CAP2: variants seen among roughly 807,000 people sequenced by gnomAD.
CAP2 encodes cyclase associated actin cytoskeleton regulatory protein 2, also known as adenylyl cyclase-associated protein 2.
CAP2 carries 24 observed loss-of-function variants against 57.7 expected under a neutral mutation model. The ratio of observed to expected loss-of-function variants is 0.42; its 90% CI spans 0.30 to 0.58. The LOEUF is 0.58. CAP2 is among the 20% of genes least tolerant of loss of function. CAP2 has a pLI of 0.22. For missense variants in CAP2, 501 were observed against 590.3 expected (o/e 0.85, Z 1.57); for synonymous variants, 194 against 207.2 (o/e 0.94, Z 0.55).
At chr6:17,552,283 G>C (rs867477606) in intron 12 of CAP2, among the ~76,000 whole-genome samples, 14 of 152,210 alleles carry the variant, frequency 9.2e-5, no homozygotes, top group African/African-American at 3.4e-4. Flanking sequence ...AAGGGAGTAT[G>C]AATAAATAAG....
At chr6:17,456,501 T>C (rs972817590) in intron 3 of CAP2, among the ~76,000 whole-genome samples, 1 of 152,178 alleles carries the variant, frequency 6.6e-6, no homozygotes, top group Non-Finnish European at 1.5e-5. Context: ...GCAGAAACTC[T>C]AGGGACTTTT....
intron 1 of CAP2, among the ~76,000 whole-genome samples, chr6:17,412,922 T>A (rs915044696): frequency 1.3e-5 from 2 of 152,122 alleles, no homozygotes; most frequent in Non-Finnish European, 2.9e-5. Flanking sequence ...CAAGATCTCT[T>A]GGAGGAGCTG....
At chr6:17,476,240 A>T (rs569568922) in intron 4 of CAP2, among the ~76,000 whole-genome samples, 2 of 152,332 alleles carry the variant, frequency 1.3e-5, no homozygotes, top group South Asian at 2.1e-4. Context: ...TACGTTGATT[A>T]TAAGAGTTGC....
intron 7 of CAP2, among the ~76,000 whole-genome samples, chr6:17,530,628 T>A (rs575499587): frequency 5.7e-4 from 87 of 152,258 alleles, no homozygotes; most frequent in African/African-American, 1.8e-3. Context: ...CCACGGCATG[T>A]CAGCTGTTTC....
chr6:17,409,444 T>TA (rs573358697), intron 1 of CAP2, among the ~76,000 whole-genome samples: 5 of 152,046 alleles, frequency 3.3e-5, no homozygotes, highest in Non-Finnish European at 5.9e-5. Flanking sequence ...TAGTAACACT[T>TA]ACCATGATAA....
At chr6:17,405,499 T>A (rs1201496603) in intron 1 of CAP2, among the ~76,000 whole-genome samples, 1 of 38,986 alleles carries the variant, frequency 2.6e-5, no homozygotes, top group Non-Finnish European at 4.5e-5. Flanking sequence ...GAATGTGGAG[T>A]CTCTCTCTCT....
chr6:17,541,264 T>C, intron 9 of CAP2, 116 bp downstream of exon 9: 1 of 704,640 alleles, frequency 1.4e-6, no homozygotes, highest in South Asian at 2.1e-5. Flanking sequence ...TATTGGTACA[T>C]AACATTTGTA....
intron 3 of CAP2, among the ~76,000 whole-genome samples, chr6:17,435,040 G>A (rs1047471651): frequency 3.7e-5 from 5 of 133,544 alleles, no homozygotes; most frequent in African/African-American, 1.4e-4. Flanking sequence ...AACAGGTGCT[G>A]GAGAGGATGC....
intron 7 of CAP2, among the ~76,000 whole-genome samples, chr6:17,532,982 T>C (rs1323063753): frequency 6.7e-6 from 1 of 148,478 alleles, no homozygotes; most frequent in Non-Finnish European, 1.5e-5. Flanking sequence ...GGAGAATCAC[T>C]TGAACCCGGG....
At chr6:17,468,879 C>A (rs1375623860) in intron 4 of CAP2, among the ~76,000 whole-genome samples, 1 of 152,216 alleles carries the variant, frequency 6.6e-6, no homozygotes, top group Non-Finnish European at 1.5e-5. Flanking sequence ...AGGATGTAGA[C>A]CTGGACCCAT....
At chr6:17,438,826 T>G (rs1759982808) in intron 3 of CAP2, among the ~76,000 whole-genome samples, 1 of 149,614 alleles carries the variant, frequency 6.7e-6, no homozygotes, top group African/African-American at 2.5e-5. Flanking sequence ...TTAAAAGGCT[T>G]TTTCTGCCGG....
chr6:17,538,804 G>A (rs1328742488), intron 7 of CAP2, among the ~76,000 whole-genome samples: 1 of 152,138 alleles, frequency 6.6e-6, no homozygotes, highest in African/African-American at 2.4e-5. Flanking sequence ...TGCTTAAAAA[G>A]GTTCGGAAAC....
chr6:17,455,844 T>A (rs560308607), intron 3 of CAP2, among the ~76,000 whole-genome samples: 10 of 152,270 alleles, frequency 6.6e-5, no homozygotes, highest in African/African-American at 1.2e-4. Context: ...CTAAACTTTT[T>A]AATAAACTTT....
At chr6:17,551,128 A>G (rs932348993) in intron 11 of CAP2, among the ~76,000 whole-genome samples, 6 of 152,234 alleles carry the variant, frequency 3.9e-5, no homozygotes, top group Admixed American at 1.3e-4. Flanking sequence ...TTATCATGAA[A>G]TCAAATACAT....
In CAP2 at chr6:17,546,390, T is replaced by G. The variant is rs189936381; in HGVS notation, c.1209+3247T>G. 1.4e-4 allele frequency among the ~76,000 whole-genome samples: 21 copies of G among 152,302 alleles called. No individual in the cohort carries two copies. In the East Asian group the frequency reaches 3.7e-3, roughly 27 times the overall value. On this transcript the variant is annotated intron_variant, in intron 11 of 12. Transcript: ENST00000229922. Reference sequence around the variant, plus strand: ...TCCTTTGCCCACTTTTTGATGGGGTTGTTTGTTTTTTTCTTGTAAATTTGT... The same window carrying G: ...TCCTTTGCCCACTTTTTGATGGGGTGGTTTGTTTTTTTCTTGTAAATTTGT...
chr6:17,507,452 C>T, intron 5 of CAP2, 140 bp downstream of exon 5: 2 of 940,726 alleles, frequency 2.1e-6, no homozygotes, highest in Non-Finnish European at 3.3e-6. Context: ...TTCTCCTACC[C>T]TGTTTAAAGT....
chr6:17,484,909 C>T (rs554532844), intron 4 of CAP2, among the ~76,000 whole-genome samples: 89 of 152,258 alleles, frequency 5.8e-4, no homozygotes, highest in African/African-American at 2.1e-3. Context: ...TGTTCTTTAC[C>T]AAAGATGATT....
intron 1 of CAP2, among the ~76,000 whole-genome samples, chr6:17,416,726 G>A (rs1020255380): frequency 2.4e-4 from 37 of 152,200 alleles, no homozygotes; most frequent in Admixed American, 1.6e-3. Context: ...AAAATGGTTA[G>A]CACTTATGAC....
At chr6:17,446,718 G>A (rs1760268110) in intron 3 of CAP2, among the ~76,000 whole-genome samples, 1 of 152,194 alleles carries the variant, frequency 6.6e-6, no homozygotes. Context: ...ATCAGAAGAG[G>A]GGAAAAGGAA....
Sources: gnomAD v4.1 joint callset for allele counts (sites outside exome capture counted in the v4.1 genomes callset) on GRCh38, gnomAD v4.1.1 for gene constraint, MANE v1.5 for transcripts, NCBI Gene and HGNC (gene_info 2026-07-23, HGNC 2026-07-21) for gene names.